Variants in IL17B observed in about 807,000 individuals in gnomAD.
IL17B encodes the protein interleukin 17B.
Under a neutral mutation model 14.7 loss-of-function variants are expected in IL17B, and 14 were observed. The ratio of observed to expected loss-of-function variants is 0.95; its 90% CI spans 0.63 to 1.49. The LOEUF (loss-of-function observed/expected upper bound fraction) is 1.49, where lower values mean the gene tolerates loss of function less well. IL17B is among the 40% of genes most tolerant of loss of function. The pLI, the probability that IL17B is intolerant of heterozygous loss-of-function variation, is 0.00. For missense variants in IL17B, 233 were observed against 252.8 expected (o/e 0.92, Z 0.53); for synonymous variants, 105 against 94.8 (o/e 1.11, Z -0.62).
In IL17B at chr5:149,374,453, G is replaced by A; in HGVS notation, c.459C>T (p.Leu153=). Residue 153 remains leucine, a synonymous_variant, in exon 3 of 3, where the codon CTC becomes CTT. Coordinates refer to ENST00000261796, the MANE Select transcript of IL17B (RefSeq NM_014443.3). This position sits in a 1 kb window ranked among gnomAD's most constrained non-coding sequence, Gnocchi z 5.0. ...VFSQVPVRRR[L]CPPPPRTGPC... Reference sequence around the variant, plus strand: ...GCCCTGTGCGGGGCGGTGGCGGGCAGAGGCGGCGGCGCACAGGAACCTGGC... The same window carrying A: ...GCCCTGTGCGGGGCGGTGGCGGGCAAAGGCGGCGGCGCACAGGAACCTGGC... 6.2e-7 allele frequency: 1 copy of A among 1,611,328 alleles called. No homozygotes were observed. Among genetic ancestry groups the A allele is most frequent in the Non-Finnish European group, 8.5e-7 (1 of 1,179,742 alleles).
At position 149,390,217 on chromosome 5, in the gene IL17B, A is replaced by ACCC. The variant is rs369377689; in HGVS notation, n.96-13195_96-13193dup. Among the ~76,000 whole-genome samples the ACCC allele has an allele frequency of 6.4e-4, 84 of 130,482 alleles. 1 individual carries two copies. Among genetic ancestry groups the ACCC allele is most frequent in the Middle Eastern group, 4.1e-3 (1 of 242 alleles). The allele number at this position is 130,482 out of a possible 152,430, so 85.6% of individuals were successfully genotyped here. ...TCCCCTGCTATTACTGGTATTAGTGACCCCCCCCCTCCCTGTCCCTGGGGA... is the reference window on the plus strand; with the variant it reads ...TCCCCTGCTATTACTGGTATTAGTGACCCCCCCCCCCCTCCCTGTCCCTGGGGA... On this transcript the variant is annotated intron_variant and non_coding_transcript_variant, in intron 1 of 2. Transcript: ENST00000505432.
chr5:149,376,822 G>A lies in IL17B; in HGVS notation c.225C>T (p.Asn75=), dbSNP rs767580112. 1.2e-6 allele frequency: 2 copies of A among 1,614,044 alleles called. No individual in the cohort carries two copies. The highest frequency in any genetic ancestry group is 1.7e-6 in the Non-Finnish European group (2 of 1,179,896). ...ACTTTCTCTGGGCCAGCTCTGAGCT[G>A]TTCCTCAGCTGGGCCACCATCTCCT... The part of the protein sequence containing the change: ...NIEEMVAQLR[N]SSELAQRKCE... Residue 75 remains asparagine, a synonymous_variant, in exon 2 of 3, where the codon AAC becomes AAT. Coordinates refer to ENST00000261796, the MANE Select transcript of IL17B (RefSeq NM_014443.3).
chr5:149,383,348 A>G (rs1185851314), upstream of IL17B, among the ~76,000 whole-genome samples: 1 of 152,250 alleles, frequency 6.6e-6, no homozygotes, highest in African/African-American at 2.4e-5. Context: ...AACCAGCAGA[A>G]GAATGCAAAG....
At chr5:149,391,517 A>AG (rs1243465390) in intron 1 of IL17B, among the ~76,000 whole-genome samples, 1 of 152,192 alleles carries the variant, frequency 6.6e-6, no homozygotes, top group African/African-American at 2.4e-5. Context: ...TTAGAGTTTT[A>AG]GGGGGCTTAA....
intron 1 of IL17B, among the ~76,000 whole-genome samples, chr5:149,387,293 T>C (rs1221366375): frequency 1.3e-5 from 2 of 152,232 alleles, no homozygotes; most frequent in African/African-American, 2.4e-5. Context: ...TAGTGTGGAA[T>C]CTGACCATTT....
At chr5:149,376,223 G>C (rs568530484) in intron 2 of IL17B, among the ~76,000 whole-genome samples, 13 of 152,212 alleles carry the variant, frequency 8.5e-5, no homozygotes, top group Non-Finnish European at 1.8e-4. Flanking sequence ...ATCGCAGCCT[G>C]CTGTGCGCCC....
chr5:149,397,273 G>A (rs1016432572), intron 1 of IL17B, among the ~76,000 whole-genome samples: 3 of 152,070 alleles, frequency 2.0e-5, no homozygotes, highest in African/African-American at 4.8e-5. Flanking sequence ...GGGTTCAAGC[G>A]ATTCTCCCAC....
At chr5:149,381,912 T>C (rs1229565392), upstream of IL17B, among the ~76,000 whole-genome samples, 1 of 152,134 alleles carries the variant, frequency 6.6e-6, no homozygotes, top group Non-Finnish European at 1.5e-5. Context: ...GCTGGGGTCC[T>C]TGGGTCTTAA....
chr5:149,382,895 T>C (rs772391078), upstream of IL17B, among the ~76,000 whole-genome samples: 2 of 152,160 alleles, frequency 1.3e-5, no homozygotes, highest in Non-Finnish European at 2.9e-5. Context: ...ACTAAAATAT[T>C]GATACATTGA....
chr5:149,392,164 G>A lies in IL17B; in HGVS notation n.95+11944C>T, dbSNP rs1330807376. Among the ~76,000 whole-genome samples, 5 of 152,228 alleles carry A rather than the reference G, an allele frequency of 3.3e-5. No individual in the cohort carries two copies. The East Asian group carries it at 5.8e-4, about 18-fold the overall frequency. On this transcript the variant is annotated intron_variant and non_coding_transcript_variant, in intron 1 of 2. Transcript: ENST00000505432. ...TTTGATCCAACAATCGCTCTTCTACGCCTTTGTCCAACAGAGGCAGCCCCA... is the reference window on the plus strand; with the variant it reads ...TTTGATCCAACAATCGCTCTTCTACACCTTTGTCCAACAGAGGCAGCCCCA...
intron 1 of IL17B, among the ~76,000 whole-genome samples, chr5:149,403,016 A>C (rs1210117422): frequency 2.6e-5 from 4 of 151,664 alleles, no homozygotes; most frequent in Non-Finnish European, 4.4e-5. Flanking sequence ...AAAAAAAAAA[A>C]AAAAAAAAAC....
At chr5:149,402,117 G>A (rs919106786) in intron 1 of IL17B, among the ~76,000 whole-genome samples, 10 of 152,152 alleles carry the variant, frequency 6.6e-5, no homozygotes, top group African/African-American at 2.4e-4. Context: ...GAGGGTTCCC[G>A]TACAGGCGTC....
intron 1 of IL17B, among the ~76,000 whole-genome samples, chr5:149,378,086 G>T (rs1264024848): frequency 6.6e-6 from 1 of 151,954 alleles, no homozygotes; most frequent in South Asian, 2.1e-4. Flanking sequence ...GGAGCTTGCA[G>T]TGAGCCGAGA....
intron 1 of IL17B, among the ~76,000 whole-genome samples, chr5:149,399,458 G>A (rs894094710): frequency 6.6e-6 from 1 of 152,004 alleles, no homozygotes; most frequent in Non-Finnish European, 1.5e-5. Context: ...GTGGCGGGAA[G>A]TTGATCATGG....
rs952984416 is a variant in IL17B at position 149,375,720 on chromosome 5, C to G, written c.311+1016G>C. 9.2e-5 allele frequency among the ~76,000 whole-genome samples: 14 copies of G among 151,778 alleles called. 1 individual carries two copies. The highest frequency in any genetic ancestry group is 6.6e-5 in the Admixed American group (1 of 15,234). Reference sequence around the variant, plus strand: ...TGGGCAACATAGTGAGATCCTGTCTCTACAAAAAATAAAAAAAAAATCAGC... The same window carrying G: ...TGGGCAACATAGTGAGATCCTGTCTGTACAAAAAATAAAAAAAAAATCAGC... On this transcript the variant is annotated intron_variant, in intron 2 of 2. Transcript: ENST00000261796.
At chr5:149,390,216 G>GCCCCCC (rs1554108439) in intron 1 of IL17B, among the ~76,000 whole-genome samples, 1 of 136,190 alleles carries the variant, frequency 7.3e-6, no homozygotes, top group African/African-American at 2.6e-5. Flanking sequence ...TGGTATTAGT[G>GCCCCCC]ACCCCCCCCC....
chr5:149,403,066 CTGTTTTGTTTTGTTTTGTTTTGTTT>C (rs113008877), intron 1 of IL17B, among the ~76,000 whole-genome samples: 1 of 141,948 alleles, frequency 7.0e-6, no homozygotes, highest in South Asian at 2.3e-4. Context: ...TTGTTTTGTT[CTGTTTTGTTTTGTTTTGTTTTGTTT>C]TGTTTTGTTT....
chr5:149,390,121 T>A (rs1758907215), intron 1 of IL17B, among the ~76,000 whole-genome samples: 1 of 152,012 alleles, frequency 6.6e-6, no homozygotes, highest in Admixed American at 6.6e-5. Context: ...GGGTGGTGAA[T>A]ATGAATTTGT....
At chr5:149,396,791 G>T (rs1183963850) in intron 1 of IL17B, among the ~76,000 whole-genome samples, 1 of 152,100 alleles carries the variant, frequency 6.6e-6, no homozygotes, top group Non-Finnish European at 1.5e-5. Flanking sequence ...AGTAAGAATA[G>T]TTCACCATGT....
Sources: allele counts gnomAD v4.1 joint callset (sites outside exome capture counted in the v4.1 genomes callset), GRCh38; gene constraint gnomAD v4.1.1; non-coding constraint Gnocchi (gnomAD v3.1); transcripts MANE v1.5; gene names NCBI Gene and HGNC (gene_info 2026-07-23, HGNC 2026-07-21).